The following DPP6 variants were observed in gnomAD, a reference collection of about 807,000 sequenced individuals.
The protein encoded by DPP6 is dipeptidyl peptidase like 6.
Under a neutral mutation model 122.6 loss-of-function variants are expected in DPP6, and 69 were observed. The ratio of observed to expected loss-of-function variants is 0.56; its 90% confidence interval spans 0.46 to 0.69. The LOEUF is 0.69. DPP6 is among the 30% of genes least tolerant of loss of function. The probability of loss-of-function intolerance (pLI) is 0.00; values close to 1 mark genes in which losing one functional copy is unlikely to be tolerated. For synonymous variants in DPP6, 418 were observed against 433.1 expected, an observed-to-expected ratio of 0.97 and a Z score of 0.43; for missense variants, 928 against 1,116.9, an observed-to-expected ratio of 0.83 and a Z score of 2.41.
At chr7:154,036,739 G>T (rs1799555725) in intron 1 of DPP6, among the ~76,000 whole-genome samples, 1 of 151,922 alleles carries the variant, frequency 6.6e-6, no homozygotes, top group Non-Finnish European at 1.5e-5. Context: ...AAGCAAAACT[G>T]CCGCTTTGGT....
chr7:154,706,983 G>A (rs1481380127), intron 7 of DPP6, among the ~76,000 whole-genome samples: 1 of 152,178 alleles, frequency 6.6e-6, no homozygotes. Context: ...GGTAGGAAGA[G>A]CAATTTTAGA....
At chr7:154,458,852 C>T (rs1247124901) in intron 2 of DPP6, among the ~76,000 whole-genome samples, 1 of 152,224 alleles carries the variant, frequency 6.6e-6, no homozygotes, top group Non-Finnish European at 1.5e-5. Context: ...AATGGGAGTC[C>T]ATGCTGGGCT....
At chr7:154,369,132 G>T (rs942443548) in intron 1 of DPP6, among the ~76,000 whole-genome samples, 1 of 152,136 alleles carries the variant, frequency 6.6e-6, no homozygotes, top group Non-Finnish European at 1.5e-5. Context: ...GTCTCACTCT[G>T]TCACCCAGAC....
At chr7:154,002,415 AC>A (rs1364521654) in intron 1 of DPP6, among the ~76,000 whole-genome samples, 1 of 152,018 alleles carries the variant, frequency 6.6e-6, no homozygotes, top group East Asian at 1.9e-4. Context: ...TCAACCTTAC[AC>A]CCCTCAAGGA....
intron 6 of DPP6, among the ~76,000 whole-genome samples, chr7:154,646,882 C>T (rs1256313343): frequency 2.0e-5 from 3 of 152,176 alleles, no homozygotes; most frequent in African/African-American, 4.8e-5. Flanking sequence ...GGAATGTCAT[C>T]GGCCACCTGC....
intron 1 of DPP6, among the ~76,000 whole-genome samples, chr7:154,111,877 T>C (rs1806609149): frequency 6.6e-6 from 1 of 152,180 alleles, no homozygotes; most frequent in Non-Finnish European, 1.5e-5. Flanking sequence ...ATTATTAAAA[T>C]ATTTTTAGGC....
At chr7:154,608,193 A>G (rs943130971) in intron 5 of DPP6, among the ~76,000 whole-genome samples, 27 of 150,060 alleles carry the variant, frequency 1.8e-4, no homozygotes, top group Non-Finnish European at 1.8e-4. Context: ...GTTAGCCAGG[A>G]TGGTCTTGAT....
chr7:154,013,327 C>T lies in DPP6; in HGVS notation c.51+125593C>T, dbSNP rs564599978. ...TCTCTCCTACTTCATTTTAATCATT[C>T]GATGTTAGATGTATTTAACCACTTT... On this transcript the variant is annotated intron_variant, in intron 1 of 25. Transcript: ENST00000404039. 1.8e-3 allele frequency among the ~76,000 whole-genome samples: 267 copies of T among 152,188 alleles called. 2 individuals are homozygous for T. The highest frequency in any genetic ancestry group is 6.1e-3 in the African/African-American group (255 of 41,532).
At chr7:154,299,239 G>A (rs916420458) in intron 1 of DPP6, among the ~76,000 whole-genome samples, 2 of 152,182 alleles carry the variant, frequency 1.3e-5, no homozygotes, top group African/African-American at 4.8e-5. Context: ...TCCTTGCCCC[G>A]GTGAGCCCTG....
chr7:154,292,078 C>T (rs1011041088), intron 1 of DPP6, among the ~76,000 whole-genome samples: 11 of 152,098 alleles, frequency 7.2e-5, no homozygotes, highest in Non-Finnish European at 4.4e-5. Flanking sequence ...TCAATTTAGT[C>T]CTTACTCTCT....
intron 1 of DPP6, among the ~76,000 whole-genome samples, chr7:154,087,570 C>A (rs1299580638): frequency 2.0e-5 from 3 of 152,148 alleles, no homozygotes; most frequent in Non-Finnish European, 4.4e-5. Flanking sequence ...AGCTAGAGAG[C>A]CTTTTTAACA....
intron 16 of DPP6, among the ~76,000 whole-genome samples, chr7:154,839,889 A>C: frequency 6.6e-6 from 1 of 152,156 alleles, no homozygotes. Context: ...TGGAGGTCCC[A>C]GTCAGAGGAG....
rs377541451 is a variant in DPP6 at position 154,169,470 on chromosome 7, G to A, written c.243+116407G>A. Among the ~76,000 whole-genome samples, 9 of 152,260 alleles carry A rather than the reference G, an allele frequency of 5.9e-5. No homozygotes were observed. In the South Asian group the frequency reaches 1.7e-3, roughly 28 times the overall value. On this transcript the variant is annotated intron_variant, in intron 1 of 25. Transcript: ENST00000377770. ...GCACCTGGGCTTAAGTTGCAGCACCGATACATACCAGCTATGGGACTTTAG... is the reference window on the plus strand; with the variant it reads ...GCACCTGGGCTTAAGTTGCAGCACCAATACATACCAGCTATGGGACTTTAG...
At chr7:154,700,062 A>G (rs999698062) in intron 7 of DPP6, among the ~76,000 whole-genome samples, 2 of 152,250 alleles carry the variant, frequency 1.3e-5, no homozygotes, top group African/African-American at 4.8e-5. Context: ...TATAATGGGG[A>G]TTAAGTAAAT....
intron 6 of DPP6, among the ~76,000 whole-genome samples, chr7:154,652,865 C>T (rs1029549336): frequency 3.3e-5 from 5 of 152,050 alleles, no homozygotes; most frequent in African/African-American, 4.8e-5. Context: ...TACCAGCGAA[C>T]GGCTTCAGAA....
At chr7:154,215,520 C>T (rs148473472) in intron 1 of DPP6, among the ~76,000 whole-genome samples, 37 of 152,256 alleles carry the variant, frequency 2.4e-4, no homozygotes, top group Middle Eastern at 3.4e-3. Context: ...GAGTTCCTTC[C>T]TTGAAGCCAG....
chr7:153,926,514 G>A (rs1187291247), intron 1 of DPP6, among the ~76,000 whole-genome samples: 1 of 152,174 alleles, frequency 6.6e-6, no homozygotes, highest in Non-Finnish European at 1.5e-5. Context: ...GAAGATGGGT[G>A]TGTTTTATTT....
chr7:153,977,317 A>T (rs1421389896), intron 1 of DPP6, among the ~76,000 whole-genome samples: 1 of 152,182 alleles, frequency 6.6e-6, no homozygotes, highest in African/African-American at 2.4e-5. Context: ...CAGGCTGGGA[A>T]GCTGCTACCT....
intron 1 of DPP6, among the ~76,000 whole-genome samples, chr7:154,404,568 G>A (rs1049436808): frequency 7.9e-5 from 12 of 152,222 alleles, no homozygotes; most frequent in Non-Finnish European, 1.5e-4. Context: ...AGAGATGAAT[G>A]GAAGAAAGAG....
Sources: gnomAD v4.1 joint callset for allele counts (sites outside exome capture counted in the v4.1 genomes callset) on GRCh38, gnomAD v4.1.1 for gene constraint, MANE v1.5 for transcripts, NCBI Gene and HGNC (gene_info 2026-07-23, HGNC 2026-07-21) for gene names.